Variants in CTNNA3 observed in about 807,000 individuals in gnomAD.
CTNNA3 encodes the protein catenin alpha 3, also known as catenin alpha-3.
CTNNA3 carries 76 observed loss-of-function variants against 95.7 expected under a neutral mutation model. That is an observed-to-expected ratio of 0.79 (90% CI 0.66 to 0.96). CTNNA3 has a LOEUF of 0.96. Among genes scored for constraint, CTNNA3 ranks in the 40% least tolerant of loss-of-function variants. CTNNA3 has a pLI of 0.00. For missense variants in CTNNA3, 1,191 were observed against 1,089.8 expected (o/e 1.09, Z -1.31); for synonymous variants, 431 against 374.4 (o/e 1.15, Z -1.74).
intron 6 of CTNNA3, among the ~76,000 whole-genome samples, chr10:67,215,475 A>C (rs1864315437): frequency 6.6e-6 from 1 of 152,124 alleles, no homozygotes; most frequent in African/African-American, 2.4e-5. Flanking sequence ...TGCAGAAAGA[A>C]TCTGAGTTTC....
At chr10:67,688,600 G>A (rs548795939) in intron 1 of CTNNA3, among the ~76,000 whole-genome samples, 14 of 152,078 alleles carry the variant, frequency 9.2e-5, no homozygotes, top group Non-Finnish European at 1.9e-4. Flanking sequence ...ATTGGGGCCA[G>A]GCCATAGTGC....
chr10:67,287,220 C>T (rs911824094), intron 5 of CTNNA3, among the ~76,000 whole-genome samples: 4 of 152,034 alleles, frequency 2.6e-5, no homozygotes, highest in Admixed American at 6.6e-5. Flanking sequence ...CGCCTGTAGT[C>T]CCAGCTACTT....
intron 7 of CTNNA3, among the ~76,000 whole-genome samples, chr10:66,823,886 C>T (rs998829940): frequency 2.6e-5 from 4 of 151,992 alleles, no homozygotes; most frequent in South Asian, 2.1e-4. Context: ...ACACCATCCA[C>T]GGGTAAAATA....
chr10:66,247,489 T>G (rs2090382656), intron 13 of CTNNA3, among the ~76,000 whole-genome samples: 1 of 152,124 alleles, frequency 6.6e-6, no homozygotes, highest in Non-Finnish European at 1.5e-5. Context: ...TTAAGTACAA[T>G]AGGGTTATAG....
intron 3 of CTNNA3, among the ~76,000 whole-genome samples, chr10:67,596,962 T>C (rs1842950304): frequency 6.6e-6 from 1 of 152,246 alleles, no homozygotes; most frequent in African/African-American, 2.4e-5. Flanking sequence ...TTCTCCTTTT[T>C]TGTCTTTTTC....
At chr10:67,632,126 C>CCACACACACACACACACACACA (rs71006156) in intron 2 of CTNNA3, among the ~76,000 whole-genome samples, 1 of 138,964 alleles carries the variant, frequency 7.2e-6, no homozygotes, top group Non-Finnish European at 1.6e-5. Flanking sequence ...AGTGTCTTAG[C>CCACACACACACACACACACACA]CACACACACA....
At chr10:66,925,004 C>T (rs1846989895) in intron 7 of CTNNA3, among the ~76,000 whole-genome samples, 2 of 152,132 alleles carry the variant, frequency 1.3e-5, no homozygotes, top group Admixed American at 6.5e-5. Flanking sequence ...GAAATTTAGG[C>T]AATTCTAATA....
intron 7 of CTNNA3, among the ~76,000 whole-genome samples, chr10:66,978,526 C>CAAAAAAA (rs1170594360): frequency 4.7e-5 from 2 of 42,318 alleles, no homozygotes; most frequent in Non-Finnish European, 7.8e-5. Flanking sequence ...GACTCCATCT[C>CAAAAAAA]AAAAAAAAAA....
At chr10:65,924,226 G>C (rs2077132032) in intron 17 of CTNNA3, among the ~76,000 whole-genome samples, 1 of 152,054 alleles carries the variant, frequency 6.6e-6, no homozygotes, top group Non-Finnish European at 1.5e-5. Context: ...GTTAGGTATG[G>C]CATGGTTCTC....
intron 5 of CTNNA3, among the ~76,000 whole-genome samples, chr10:67,443,926 T>C (rs894959674): frequency 4.1e-4 from 63 of 152,204 alleles, no homozygotes; most frequent in Non-Finnish European, 8.1e-4. Context: ...TTTTATGGTT[T>C]TAGGTCTAAT....
At chr10:67,582,933 T>C (rs1842462912) in intron 3 of CTNNA3, among the ~76,000 whole-genome samples, 1 of 152,104 alleles carries the variant, frequency 6.6e-6, no homozygotes, top group African/African-American at 2.4e-5. Flanking sequence ...TCCATCCCTT[T>C]ATTTTGAGCC....
In CTNNA3 at chr10:67,514,556, A is replaced by T. The variant is rs552552761; in HGVS notation, c.579+7286T>A. 4.6e-5 allele frequency among the ~76,000 whole-genome samples: 7 copies of T among 152,188 alleles called. 1 individual carries two copies. The South Asian group carries it at 1.5e-3, about 32-fold the overall frequency. ...TATTATACTTTAAGTTTTAGGGTACATGTGCACATTATTTCTCCTCAATAC... is the reference window on the plus strand; with the variant it reads ...TATTATACTTTAAGTTTTAGGGTACTTGTGCACATTATTTCTCCTCAATAC... On this transcript the variant is annotated intron_variant, in intron 5 of 17. Transcript: ENST00000433211.
intron 5 of CTNNA3, among the ~76,000 whole-genome samples, chr10:67,257,965 C>T (rs1433869930): frequency 6.6e-6 from 1 of 152,150 alleles, no homozygotes; most frequent in African/African-American, 2.4e-5. Flanking sequence ...CCCAAGAGTT[C>T]ATGAAATCAT....
intron 4 of CTNNA3, among the ~76,000 whole-genome samples, chr10:67,536,178 C>G (rs533912414): frequency 6.6e-6 from 1 of 151,984 alleles, no homozygotes; most frequent in Non-Finnish European, 1.5e-5. Context: ...TAAAGAACAT[C>G]CAAAAGTCAA....
At chr10:66,259,555 G>T (rs1350762390) in intron 13 of CTNNA3, among the ~76,000 whole-genome samples, 4 of 152,050 alleles carry the variant, frequency 2.6e-5, no homozygotes, top group Non-Finnish European at 4.4e-5. Flanking sequence ...ATTATCAAAA[G>T]TACATAACTT....
chr10:66,515,373 C>T (rs989971388), intron 11 of CTNNA3, among the ~76,000 whole-genome samples: 4 of 150,424 alleles, frequency 2.7e-5, no homozygotes, highest in Admixed American at 6.6e-5. Flanking sequence ...TTAGTATTGA[C>T]TCCTGAAAGA....
chr10:66,936,713 A>G (rs1251908584), intron 7 of CTNNA3, among the ~76,000 whole-genome samples: 1 of 152,022 alleles, frequency 6.6e-6, no homozygotes, highest in Admixed American at 6.6e-5. Flanking sequence ...TCCCATTTCC[A>G]TGTATTTTCT....
chr10:67,047,060 C>T (rs139448404), intron 7 of CTNNA3, among the ~76,000 whole-genome samples: 2 of 152,180 alleles, frequency 1.3e-5, no homozygotes, highest in Non-Finnish European at 2.9e-5. Flanking sequence ...TATCTGATTC[C>T]TTGCTTCTGC....
At chr10:66,458,359 T>C (rs2093508163) in intron 11 of CTNNA3, among the ~76,000 whole-genome samples, 1 of 152,228 alleles carries the variant, frequency 6.6e-6, no homozygotes, top group Non-Finnish European at 1.5e-5. Flanking sequence ...GTATTTCATT[T>C]AATATAATTT....
Sources: allele counts gnomAD v4.1 joint callset (sites outside exome capture counted in the v4.1 genomes callset), GRCh38; gene constraint gnomAD v4.1.1; transcripts MANE v1.5; gene names NCBI Gene and HGNC (gene_info 2026-07-23, HGNC 2026-07-21).